The following CCP110 variants were observed in gnomAD, a reference collection of about 807,000 sequenced individuals.
CCP110 encodes centriolar coiled-coil protein 110.
Under a neutral mutation model 105.5 loss-of-function variants are expected in CCP110, and 43 were observed. That is an observed-to-expected ratio of 0.41 (90% CI 0.32 to 0.53). The LOEUF is 0.53. Among genes scored for constraint, CCP110 ranks in the 20% least tolerant of loss-of-function variants. CCP110 has a pLI of 0.32. For synonymous variants in CCP110, 353 were observed against 392.1 expected (o/e 0.90, Z 1.18); for missense variants, 1,016 against 1,189.1 (o/e 0.85, Z 2.14).
In CCP110 at chr16:19,548,555, C is replaced by T; in HGVS notation, c.2941C>T (p.Gln981Ter). The T allele has an allele frequency of 1.3e-6, 2 of 1,549,952 alleles. No homozygotes were observed. Among genetic ancestry groups the T allele is most frequent in the Non-Finnish European group, 8.7e-7 (1 of 1,146,556 alleles). Residue 981 changes from glutamine to a stop codon, truncating the protein, a stop_gained, in exon 14 of 15, where the codon CAG (glutamine) becomes TAG (stop). Transcript: ENST00000381396. LOFTEE classifies it high-confidence loss of function. The surrounding 1 kb of genome is among the most constrained non-coding windows in gnomAD (Gnocchi z 4.1). ...AGTGAAGGGGGTTGTGCAAAATAGA[C>T]AGAAGCCTTCACAGAGCAGAGTGCC...
chr16:19,531,130 T>G (rs921972757), intron 2 of CCP110, among the ~76,000 whole-genome samples: 2 of 152,188 alleles, frequency 1.3e-5, no homozygotes, highest in Non-Finnish European at 2.9e-5. Flanking sequence ...TTTGGTACCA[T>G]GCAATTAGGA....
intron 12 of CCP110, 61 bp downstream of exon 12, chr16:19,546,535 G>T: frequency 1.0e-6 from 1 of 961,972 alleles, no homozygotes; most frequent in Non-Finnish European, 1.6e-6. Flanking sequence ...AAAAAAAATT[G>T]GCTGGGCACG....
chr16:19,532,328 C>T, intron 2 of CCP110, 88 bp from the exon 3 acceptor site: 2 of 1,146,306 alleles, frequency 1.7e-6, no homozygotes, highest in South Asian at 1.6e-5. Flanking sequence ...GCCTGTTGCA[C>T]ATGTTTTTAA....
chr16:19,544,863 C>G, exon 9 of CCP110: 1 of 1,602,522 alleles, frequency 6.2e-7, no homozygotes, highest in South Asian at 1.1e-5. Context: ...TGTTTCAGCT[C>G]AAGATGCTTC....
chr16:19,528,552 A>G (rs1969753823), intron 2 of CCP110, among the ~76,000 whole-genome samples: 1 of 152,164 alleles, frequency 6.6e-6, no homozygotes, highest in South Asian at 2.1e-4. Context: ...CTAGTGTAAA[A>G]CACCGTGTGC....
chr16:19,524,303 G>T (rs113007811), intron 1 of CCP110, among the ~76,000 whole-genome samples: 1 of 152,150 alleles, frequency 6.6e-6, no homozygotes, highest in Admixed American at 6.5e-5. Context: ...GCCCCGCCTG[G>T]AGGGCCCTCG....
At chr16:19,551,887 A>T (rs1162706502) in exon 15 of CCP110, 1 of 152,178 alleles carries the variant, frequency 6.6e-6, no homozygotes, top group Non-Finnish European at 1.5e-5. Context: ...GGCTTCATGT[A>T]TGTTACCCCA....
chr16:19,542,174 C>A, intron 6 of CCP110, 110 bp downstream of exon 6: 1 of 714,086 alleles, frequency 1.4e-6, no homozygotes, highest in South Asian at 2.3e-5. Flanking sequence ...CCATGTCCAA[C>A]CCTCTTTGCC....
chr16:19,546,430 G>A (rs1191110345), exon 12 of CCP110: 1 of 1,586,438 alleles, frequency 6.3e-7, no homozygotes, highest in African/African-American at 1.3e-5. Flanking sequence ...AAATGGGAAT[G>A]CCAAATAAGA....
At chr16:19,530,885 G>A (rs930766971) in intron 2 of CCP110, among the ~76,000 whole-genome samples, 1 of 151,892 alleles carries the variant, frequency 6.6e-6, no homozygotes, top group African/African-American at 2.4e-5. Context: ...ACCCAGGAGG[G>A]ATCGGGATCG....
At chr16:19,537,646 T>G in intron 4 of CCP110, 59 bp downstream of exon 4, 2 of 958,304 alleles carry the variant, frequency 2.1e-6, no homozygotes, top group Admixed American at 5.6e-5. Context: ...TTTAATACTC[T>G]TAATTGACAT....
rs1209836320 is a variant in CCP110, at chr16:19,548,029, C to T, written c.2900+15C>T. ...AGTAGACAAGGGTAAGAATGCCACA[C>T]ACGGGTATTGAAAACTACGGAAACC... On this transcript the variant is annotated intron_variant, in intron 13 of 14. Transcript: ENST00000381396. This position sits in a 1 kb window ranked among gnomAD's most constrained non-coding sequence, Gnocchi z 4.1. 1.9e-6 allele frequency: 3 copies of T among 1,576,488 alleles called. No individual in the cohort carries two copies. Among genetic ancestry groups the T allele is most frequent in the African/African-American group, 2.7e-5 (2 of 74,248 alleles).
intron 2 of CCP110, among the ~76,000 whole-genome samples, chr16:19,531,962 T>A (rs1969885607): frequency 7.3e-6 from 1 of 136,318 alleles, no homozygotes; most frequent in African/African-American, 2.8e-5. Flanking sequence ...CAAGACTCCA[T>A]CTCAAAAAAA....
chr16:19,549,061 A>G lies in CCP110; in HGVS notation c.2986+461A>G, dbSNP rs79750459. ...AGGGCTTCATATTTTGCTCAGTCCAAAGCTTGAGCTAAATCTCTCCTTATG... is the reference window on the plus strand; with the variant it reads ...AGGGCTTCATATTTTGCTCAGTCCAGAGCTTGAGCTAAATCTCTCCTTATG... On this transcript the variant is annotated intron_variant, in intron 14 of 14. Transcript: ENST00000381396. Among the ~76,000 whole-genome samples the G allele has an allele frequency of 6.4e-3, 978 of 152,250 alleles. 20 individuals are homozygous for G. The highest frequency in any genetic ancestry group is 0.061 in the East Asian group (313 of 5,162).
In CCP110 at chr16:19,536,942, A is replaced by G. The variant is rs899570568; in HGVS notation, c.1273A>G (p.Met425Val). 6.2e-7 allele frequency: 1 copy of G among 1,614,274 alleles called. No individual in the cohort carries two copies. The highest frequency in any genetic ancestry group is 8.5e-7 in the Non-Finnish European group (1 of 1,180,050). The change falls in exon 4 of 15, where the codon ATG becomes GTG. Residue 425 changes from methionine (M) to valine (V), a missense_variant. Physicochemically the swap from Met to Val is conservative, Grantham distance 21. Coordinates refer to ENST00000381396, the Ensembl canonical transcript of CCP110. ...TGAAAACACAAATGTGCCCGAAATT[A>G]TGCCAAAGTTACCAACTGATTTAGC...
At chr16:19,543,123 A>C (rs1227731656) in intron 8 of CCP110, 129 bp downstream of exon 8, 4 of 599,662 alleles carry the variant, frequency 6.7e-6, no homozygotes, top group Non-Finnish European at 1.2e-5. Context: ...CAGTTTTAGA[A>C]GTCTGATTGT....
At chr16:19,532,929 C>A (rs1969925224) in intron 3 of CCP110, among the ~76,000 whole-genome samples, 1 of 152,158 alleles carries the variant, frequency 6.6e-6, no homozygotes, top group Non-Finnish European at 1.5e-5. Context: ...AAGTAAATAA[C>A]TGCCTCCAAT....
intron 2 of CCP110, among the ~76,000 whole-genome samples, chr16:19,529,694 C>T (rs1371975727): frequency 6.6e-6 from 1 of 151,944 alleles, no homozygotes; most frequent in East Asian, 1.9e-4. Context: ...TATGTAAAGC[C>T]CCAATACCAT....
At chr16:19,538,302 CTTTTTTTTTT>C (rs1164690143) in intron 4 of CCP110, among the ~76,000 whole-genome samples, 56 of 55,242 alleles carry the variant, frequency 1.0e-3, no homozygotes, top group African/African-American at 4.2e-3. Context: ...GGAAACAGTT[CTTTTTTTTTT>C]TTTTTTTTTT....
Sources: allele counts gnomAD v4.1 joint callset (sites outside exome capture counted in the v4.1 genomes callset), GRCh38; gene constraint gnomAD v4.1.1; non-coding constraint Gnocchi (gnomAD v3.1); transcripts MANE v1.5; gene names NCBI Gene and HGNC (gene_info 2026-07-23, HGNC 2026-07-21).